Variants in RBM33 observed in about 807,000 individuals in gnomAD.
RBM33 encodes the protein RNA binding motif protein 33.
In RBM33, 28 loss-of-function variants were observed where a neutral mutation model predicts 132.6. That is an observed-to-expected ratio of 0.21 (90% confidence interval 0.16 to 0.29). The LOEUF (loss-of-function observed/expected upper bound fraction) is 0.29. Among genes scored for constraint, RBM33 ranks in the 10% least tolerant of loss-of-function variants. The pLI is 1.00. For missense variants in RBM33, 1,291 were observed against 1,518.5 expected (o/e 0.85, Z 2.49); for synonymous variants, 634 against 593.0 (o/e 1.07, Z -1.01).
chr7:155,711,165 A>C (rs372074179), intron 7 of RBM33, 38 bp from the exon 8 acceptor site: 9 of 1,437,118 alleles, frequency 6.3e-6, no homozygotes, highest in African/African-American at 4.5e-5. Flanking sequence ...TTTTTTTGTG[A>C]TTTGTAGACT....
intron 1 of RBM33, among the ~76,000 whole-genome samples, chr7:155,647,300 T>A (rs1027704866): frequency 3.3e-5 from 5 of 152,258 alleles, no homozygotes; most frequent in Admixed American, 6.5e-5. Context: ...TGTTCGAGAT[T>A]GTCAGTTTGA....
At chr7:155,726,894 G>T (rs1358120009) in intron 9 of RBM33, among the ~76,000 whole-genome samples, 1 of 152,202 alleles carries the variant, frequency 6.6e-6, no homozygotes, top group East Asian at 1.9e-4. Flanking sequence ...ATTCATTGGT[G>T]ATGTAACTTT....
rs545395526 is a variant in RBM33 at position 155,779,373 on chromosome 7, GCCGCTAGT to G, written c.*4335_*4342del. On this transcript the variant is annotated 3_prime_UTR_variant, in exon 18 of 18. Coordinates refer to ENST00000401878, the MANE Select transcript of RBM33 (RefSeq NM_053043.3). ...GCACCCGACTACCACCACTCGGAAA[GCCGCTAGT>G]CCAGATCGACTAGGGAGAGGCTTAG... 1.5e-3 allele frequency: 232 copies of G among 152,320 alleles called. 1 individual carries two copies. The highest frequency in any genetic ancestry group is 5.2e-3 in the African/African-American group (215 of 41,556). The allele number at this position is 152,320 out of a possible 1,614,324, so 9.4% of individuals were successfully genotyped here. A position where few individuals can be genotyped will look rare whatever the true frequency, so the allele number is the denominator to read the frequency against.
chr7:155,705,199 ATTTCCATCCTGTCATAT>A (rs1375966668), intron 6 of RBM33, among the ~76,000 whole-genome samples: 3 of 152,214 alleles, frequency 2.0e-5, no homozygotes, highest in Admixed American at 6.5e-5. Flanking sequence ...TACAAATGTA[ATTTCCATCCTGTCATAT>A]TTTGGTGACC....
intron 6 of RBM33, among the ~76,000 whole-genome samples, chr7:155,703,398 A>G (rs1448625342): frequency 6.6e-6 from 1 of 152,214 alleles, no homozygotes; most frequent in African/African-American, 2.4e-5. Flanking sequence ...CAGAGTAGCT[A>G]TAAACATATA....
At chr7:155,693,389 T>C (rs1799702393) in intron 5 of RBM33, among the ~76,000 whole-genome samples, 1 of 151,848 alleles carries the variant, frequency 6.6e-6, no homozygotes, top group Non-Finnish European at 1.5e-5. Flanking sequence ...CTAAGGGTTG[T>C]TTTCAGTATG....
At chr7:155,708,954 G>C (rs10266151) in intron 7 of RBM33, among the ~76,000 whole-genome samples, 2 of 151,344 alleles carry the variant, frequency 1.3e-5, no homozygotes, top group African/African-American at 4.9e-5. Context: ...CCTGGATTCC[G>C]TTCTGTTCCC....
chr7:155,745,200 G>A lies in RBM33; in HGVS notation c.2577G>A (p.Leu859=), dbSNP rs1421331781. The change falls in exon 14 of 18, where the codon TTG becomes TTA. Residue 859 remains leucine (L), a synonymous_variant. Transcript: ENST00000401878. This position sits in a 1 kb window ranked among gnomAD's most constrained non-coding sequence, Gnocchi z 4.1. The part of the protein sequence containing the change: ...SPSPTNGNPL[L]PFPGAQVRQN... ...CACCCACCAACGGTAACCCACTGTT[G>A]CCCTTTCCAGGTGCACAGGTCAGAC... 1 of 1,611,746 alleles carries A rather than the reference G, an allele frequency of 6.2e-7. No homozygotes were observed. Among genetic ancestry groups the A allele is most frequent in the East Asian group, 2.2e-5 (1 of 44,856 alleles).
At chr7:155,754,333 A>G (rs1801778955) in intron 14 of RBM33, among the ~76,000 whole-genome samples, 1 of 152,166 alleles carries the variant, frequency 6.6e-6, no homozygotes, top group African/African-American at 2.4e-5. Context: ...CAGCCTACCC[A>G]GGTAGGATCC....
chr7:155,745,598 G>A lies in RBM33; in HGVS notation c.2975G>A (p.Gly992Asp), dbSNP rs773469226. ...SSKVRVIKLS[G>D]GGGESDGFFH... ...AAGGTCAGGGTGATTAAGCTGTCAG[G>A]TGGGGTAAGTTGACAAGTTTTATGA... is the stretch of plus-strand genomic sequence containing the variant. The change falls in exon 14 of 18, where the codon GGT becomes GAT. Residue 992 changes from glycine (G) to aspartate (D), a missense_variant. Gly to Asp is a moderately conservative substitution (Grantham distance 94, BLOSUM62 -1). This residue lies in a region of RBM33 where 841 missense variants were observed against 912.0 expected (regional missense o/e 0.92). Transcript: ENST00000401878. This position sits in a 1 kb window ranked among gnomAD's most constrained non-coding sequence, Gnocchi z 4.1. 5 of 1,575,094 alleles carry A rather than the reference G, an allele frequency of 3.2e-6. No individual in the cohort carries two copies. The South Asian group carries it at 4.7e-5, about 15-fold the overall frequency.
In RBM33 at chr7:155,745,661, C is replaced by CA. The variant is rs1801494266; in HGVS notation, c.2979+60dup. ...GTCTGTGTATCACATAGAATGTCCT[C>CA]ATTTGCAGAGAATGTTTTTGAAGAA... is the stretch of plus-strand genomic sequence containing the variant. On this transcript the variant is annotated intron_variant, in intron 14 of 17. Coordinates refer to ENST00000401878, the MANE Select transcript of RBM33 (RefSeq NM_053043.3). The surrounding 1 kb of genome is among the most constrained non-coding windows in gnomAD (Gnocchi z 4.1). 3 of 1,395,166 alleles carry CA rather than the reference C, an allele frequency of 2.2e-6. No homozygotes were observed. The highest frequency in any genetic ancestry group is 2.9e-6 in the Non-Finnish European group (3 of 1,040,734). 86.4% of individuals were successfully genotyped at this position (1,395,166 alleles called of 1,614,324 possible).
intron 1 of RBM33, among the ~76,000 whole-genome samples, chr7:155,649,463 C>G (rs1359991276): frequency 5.9e-5 from 9 of 152,132 alleles, no homozygotes. Flanking sequence ...TAATTGTATC[C>G]TAATTTATGT....
chr7:155,645,414 C>G (rs1387474066), intron 1 of RBM33, among the ~76,000 whole-genome samples: 1 of 152,166 alleles, frequency 6.6e-6, no homozygotes, highest in Non-Finnish European at 1.5e-5. Flanking sequence ...CGACAGTAGG[C>G]CAGTTTGGAA....
chr7:155,673,687 TAC>T (rs370862721), intron 3 of RBM33, among the ~76,000 whole-genome samples: 1 of 125,388 alleles, frequency 8.0e-6, no homozygotes, highest in African/African-American at 3.4e-5. Context: ...TGTATATATA[TAC>T]ACACATATAT....
rs1800745119 is a variant in RBM33, at chr7:155,724,993, TGTGTGTGTGTGTGTGTG to T, written c.1260+6551_1260+6567del. Among the ~76,000 whole-genome samples, 227 of 94,944 alleles carry T rather than the reference TGTGTGTGTGTGTGTGTG, an allele frequency of 2.4e-3. 2 individuals are homozygous for T. Among genetic ancestry groups the T allele is most frequent in the Middle Eastern group, 0.01 (2 of 194 alleles). The allele number at this position is 94,944 out of a possible 152,430, so 62.3% of individuals were successfully genotyped here. On this transcript the variant is annotated intron_variant, in intron 9 of 17. Transcript: ENST00000401878. ...CTGTAAACATTTGTGTACAGGTTTGTGTGTGTGTGTGTGTGTGTGTGTGTGTGTGTGTGTGTGTGTGT... is the reference window on the plus strand; with the variant it reads ...CTGTAAACATTTGTGTACAGGTTTGTTGTGTGTGTGTGTGTGTGTGTGTGT...
intron 1 of RBM33, among the ~76,000 whole-genome samples, chr7:155,652,302 G>T (rs1199281586): frequency 6.6e-6 from 1 of 152,194 alleles, no homozygotes; most frequent in Non-Finnish European, 1.5e-5. Context: ...GAACTCCGCC[G>T]TTTACCTTGA....
At chr7:155,772,814 T>C (rs1157598581) in intron 16 of RBM33, among the ~76,000 whole-genome samples, 1 of 152,232 alleles carries the variant, frequency 6.6e-6, no homozygotes, top group Non-Finnish European at 1.5e-5. Flanking sequence ...GCCTTCTTGA[T>C]GCCCTTGAAT....
chr7:155,742,003 G>T lies in RBM33; in HGVS notation c.2234G>T (p.Arg745Leu). 1.9e-6 allele frequency: 3 copies of T among 1,613,980 alleles called. No homozygotes were observed. The highest frequency in any genetic ancestry group is 2.5e-6 in the Non-Finnish European group (3 of 1,179,898). The change falls in exon 13 of 18, where the codon CGG (arginine) becomes CTG (leucine). Residue 745 changes from arginine (R) to leucine (L), a missense_variant. Arg to Leu is a moderately radical substitution (Grantham distance 102, BLOSUM62 -2). Transcript: ENST00000401878. Reference sequence around the variant, plus strand: ...ATCGTCAGCGCGTCACCACCCTCGCGGGCCGTGGCGGGTTCCAGAAGCTCA... The same window carrying T: ...ATCGTCAGCGCGTCACCACCCTCGCTGGCCGTGGCGGGTTCCAGAAGCTCA... ...KPIVSASPPS[R>L]AVAGSRSSQG... is the part of the protein sequence containing the mutation.
rs564525064 is a variant in RBM33 at position 155,775,917 on chromosome 7, A to C, written c.*876A>C. The C allele has an allele frequency of 6.6e-6, 1 of 152,172 alleles. No homozygotes were observed. The highest frequency in any genetic ancestry group is 6.5e-5 in the Admixed American group (1 of 15,276). 9.4% of individuals were successfully genotyped at this position (152,172 alleles called of 1,614,324 possible). On this transcript the variant is annotated 3_prime_UTR_variant, in exon 18 of 18. Coordinates refer to ENST00000401878, the MANE Select transcript of RBM33 (RefSeq NM_053043.3). ...CTGTTTATCACTGGCTCTGTGATAC[A>C]TGACATTCTTTGGGAATTTGGTGGC...
Sources: allele counts gnomAD v4.1 joint callset (sites outside exome capture counted in the v4.1 genomes callset), GRCh38; gene constraint gnomAD v4.1.1; regional missense constraint gnomAD v4.1.1; non-coding constraint Gnocchi (gnomAD v3.1); transcripts MANE v1.5; gene names NCBI Gene and HGNC (gene_info 2026-07-23, HGNC 2026-07-21).